BCL9L: variants seen among roughly 807,000 people sequenced by gnomAD.
BCL9L encodes the protein BCL9 like, also known as B-cell CLL/lymphoma 9-like protein.
Under a neutral mutation model 99.4 loss-of-function variants are expected in BCL9L, and 19 were observed. The ratio of observed to expected loss-of-function variants is 0.19; its 90% CI spans 0.13 to 0.28. The LOEUF is 0.28. Ranked by LOEUF, BCL9L falls within the 10% of genes least tolerant of loss-of-function variation. The probability of loss-of-function intolerance (pLI) is 1.00; values close to 1 mark genes in which losing one functional copy is unlikely to be tolerated. For missense variants in BCL9L, 2,023 were observed against 2,101.6 expected, an observed-to-expected ratio of 0.96 and a Z score of 0.73; for synonymous variants, 900 against 854.8, an observed-to-expected ratio of 1.05 and a Z score of -0.92.
In BCL9L at chr11:118,899,508, C is replaced by A; in HGVS notation, c.3407G>T (p.Gly1136Val). ...CTGGCTGGGCTGGCTGTTGCTGATC[C>A]CTGTAGGGAATAGAAGACAGGGGGT... The part of the protein sequence containing the change: ...PPPPPQGSGP[G>V]ISNSQPSQMH... The change falls in exon 10 of 10, where the codon GGG (glycine) becomes GTG (valine). Residue 1136 changes from glycine to valine, a missense_variant and splice_region_variant. Gly to Val is a moderately radical substitution (Grantham distance 109, BLOSUM62 -3). This residue lies in a region of BCL9L where 902 missense variants were observed against 888.2 expected (regional missense o/e 1.02). Coordinates refer to ENST00000683865, the MANE Select transcript of BCL9L (RefSeq NM_001378213.1). 3.7e-6 allele frequency: 6 copies of A among 1,607,888 alleles called. No individual in the cohort carries two copies. Among genetic ancestry groups the A allele is most frequent in the Non-Finnish European group, 5.1e-6 (6 of 1,178,462 alleles).
chr11:118,907,248 AAGG>A (rs1215119972), intron 5 of BCL9L, among the ~76,000 whole-genome samples: 8 of 152,016 alleles, frequency 5.3e-5, no homozygotes, highest in Non-Finnish European at 7.4e-5. Flanking sequence ...CGTGACCAAG[AAGG>A]AGGCCACTCC....
rs755451998 is a variant in BCL9L, at chr11:118,898,626, T to C, written c.4289A>G (p.Gln1430Arg). 6.8e-6 allele frequency: 11 copies of C among 1,612,548 alleles called. No homozygotes were observed. Among genetic ancestry groups the C allele is most frequent in the South Asian group, 2.2e-5 (2 of 90,992 alleles). ...VMSPPQGLMT[Q>R]QNFMLMKQRG... ...CTGCTTCATCAGCATGAAATTCTGC[T>C]GGGTCATGAGGCCTTGTGGAGGGGA... is the stretch of plus-strand genomic sequence containing the variant. The change falls in exon 10 of 10, where the codon CAG becomes CGG. Residue 1430 changes from glutamine (Q) to arginine (R), a missense_variant. Physicochemically the swap from Gln to Arg is conservative, Grantham distance 43 (BLOSUM62 1). Transcript: ENST00000683865.
intron 5 of BCL9L, among the ~76,000 whole-genome samples, chr11:118,906,287 G>A (rs1258280223): frequency 6.6e-6 from 1 of 152,192 alleles, no homozygotes; most frequent in East Asian, 1.9e-4. Context: ...GGGGGGAGGT[G>A]TCTGGTCTGG....
At position 118,914,882 on chromosome 11, in the gene BCL9L, A is replaced by T. The variant is rs1054616916; in HGVS notation, c.-77+3944T>A. ...GCCGGGCGCGGTGGCACACGCCTGT[A>T]ATCCCAGCACTTTAGGAGGTCAAGG... On this transcript the variant is annotated intron_variant, in intron 2 of 9. Coordinates refer to ENST00000683865, the MANE Select transcript of BCL9L (RefSeq NM_001378213.1). The surrounding 1 kb of genome is among the most constrained non-coding windows in gnomAD (Gnocchi z 4.4). Among the ~76,000 whole-genome samples, 21 of 152,306 alleles carry T rather than the reference A, an allele frequency of 1.4e-4. No individual in the cohort carries two copies. In the East Asian group the frequency reaches 3.1e-3, roughly 22 times the overall value.
intron 1 of BCL9L, among the ~76,000 whole-genome samples, chr11:118,919,120 C>T (rs1941070509): frequency 2.0e-5 from 2 of 97,704 alleles, no homozygotes; most frequent in African/African-American, 4.2e-5. Flanking sequence ...CCCCCCCCGA[C>T]CCCCCAACCC....
chr11:118,908,764 G>T, intron 3 of BCL9L, 109 bp from the exon 4 acceptor site: 4 of 862,984 alleles, frequency 4.6e-6, no homozygotes, highest in Non-Finnish European at 7.0e-6. Flanking sequence ...AGGGTGGGGG[G>T]AAGGGGTGGT....
At position 118,914,574 on chromosome 11, in the gene BCL9L, G is replaced by A. The variant is rs922807656; in HGVS notation, c.-77+4252C>T. Among the ~76,000 whole-genome samples the A allele has an allele frequency of 2.6e-5, 4 of 151,504 alleles. No homozygotes were observed. The highest frequency in any genetic ancestry group is 2.0e-4 in the East Asian group (1 of 5,116). On this transcript the variant is annotated intron_variant, in intron 2 of 9. Transcript: ENST00000683865. The surrounding 1 kb of genome is among the most constrained non-coding windows in gnomAD (Gnocchi z 4.4). ...GATGCAGGGGCACGTGGGCCAGGCCGGGAGGGGTGGGGGTGATGAGACAGG... is the reference window on the plus strand; with the variant it reads ...GATGCAGGGGCACGTGGGCCAGGCCAGGAGGGGTGGGGGTGATGAGACAGG...
chr11:118,923,286 G>A (rs567719360), intron 1 of BCL9L, among the ~76,000 whole-genome samples: 4 of 152,266 alleles, frequency 2.6e-5, no homozygotes, highest in East Asian at 1.9e-4. Flanking sequence ...TTGCTGAGCC[G>A]ACACTGCCAC....
intron 2 of BCL9L, among the ~76,000 whole-genome samples, chr11:118,916,889 C>T (rs565559052): frequency 7.2e-5 from 11 of 152,348 alleles, no homozygotes; most frequent in African/African-American, 2.2e-4. Context: ...AGGAGGCGGC[C>T]ATTTAAGCCA....
chr11:118,900,764 G>C lies in BCL9L; in HGVS notation c.2979C>G (p.Ser993Arg), dbSNP rs1940188040. ...CCGCCATGGAAGGAGACTTGAGCCT[G>C]CTGGGCGAGCCAGTGGGTGAACGGA... is the stretch of plus-strand genomic sequence containing the variant. ...LSVRSPTGSP[S>R]RLKSPSMAVP... The change falls in exon 8 of 10, where the codon AGC becomes AGG. Residue 993 changes from serine to arginine, a missense_variant. This residue lies in a region of BCL9L where 902 missense variants were observed against 888.2 expected (regional missense o/e 1.02). Coordinates refer to ENST00000683865, the MANE Select transcript of BCL9L (RefSeq NM_001378213.1). This position sits in a 1 kb window ranked among gnomAD's most constrained non-coding sequence, Gnocchi z 5.3. 1.5e-5 allele frequency: 24 copies of C among 1,613,750 alleles called. No homozygotes were observed. The highest frequency in any genetic ancestry group is 2.0e-5 in the Non-Finnish European group (24 of 1,179,898).
chr11:118,902,750 A>AGGC lies in BCL9L; in HGVS notation c.992_993insGCC (p.Ser331delinsArgPro). 1 of 1,593,292 alleles carries AGGC rather than the reference A, an allele frequency of 6.3e-7. No homozygotes were observed. Among genetic ancestry groups the AGGC allele is most frequent in the South Asian group, 1.1e-5 (1 of 90,444 alleles). Reference sequence around the variant, plus strand: ...CCACCGAGTTGGGGGCCAGGTCCTGACTGCTGTCCTCAGGAGGCCCCTCTG... The same window carrying AGGC: ...CCACCGAGTTGGGGGCCAGGTCCTGAGGCCTGCTGTCCTCAGGAGGCCCCTCTG... On this transcript the variant is annotated protein_altering_variant, in exon 8 of 10. Transcript: ENST00000683865. The surrounding 1 kb of genome is among the most constrained non-coding windows in gnomAD (Gnocchi z 7.8).
intron 2 of BCL9L, among the ~76,000 whole-genome samples, chr11:118,918,612 G>A (rs904130223): frequency 1.3e-5 from 2 of 152,054 alleles, no homozygotes; most frequent in East Asian, 1.9e-4. Flanking sequence ...ACTGGGTCTA[G>A]GGTTCTGGTC....
In BCL9L at chr11:118,902,300, G is replaced by T. The variant is rs543132295; in HGVS notation, c.1443C>A (p.Gly481=). The T allele has an allele frequency of 6.4e-7, 1 of 1,568,662 alleles. No individual in the cohort carries two copies. Among genetic ancestry groups the T allele is most frequent in the Non-Finnish European group, 8.6e-7 (1 of 1,156,856 alleles). The change falls in exon 8 of 10, where the codon GGC becomes GGA. Residue 481 remains glycine (G), a synonymous_variant. Coordinates refer to ENST00000683865, the MANE Select transcript of BCL9L (RefSeq NM_001378213.1). The surrounding 1 kb of genome is among the most constrained non-coding windows in gnomAD (Gnocchi z 7.8). ...CAGGCACTTCATGCTCCAGCGGGGG[G>T]CCCCCTAGGCTCTGTGTCTGTGAAA... is the stretch of plus-strand genomic sequence containing the variant. ...SMISQTQSLG[G]PPLEHEVPGH...
intron 3 of BCL9L, among the ~76,000 whole-genome samples, chr11:118,909,610 G>A (rs1940694173): frequency 6.6e-6 from 1 of 152,224 alleles, no homozygotes; most frequent in Admixed American, 6.5e-5. Flanking sequence ...ACAGTAGGGT[G>A]GGAGGGGGTC....
intron 1 of BCL9L, among the ~76,000 whole-genome samples, chr11:118,919,828 C>T (rs1022829500): frequency 7.2e-5 from 11 of 152,200 alleles, no homozygotes; most frequent in African/African-American, 2.7e-4. Context: ...CACTGCCCTG[C>T]CCTGCCGCCA....
intron 2 of BCL9L, among the ~76,000 whole-genome samples, chr11:118,912,170 C>T (rs993367295): frequency 6.6e-6 from 1 of 152,208 alleles, no homozygotes; most frequent in African/African-American, 2.4e-5. Flanking sequence ...TCACAGTCTC[C>T]GAAGACACCT....
intron 1 of BCL9L, among the ~76,000 whole-genome samples, chr11:118,923,119 C>G (rs753045386): frequency 2.6e-5 from 4 of 152,160 alleles, no homozygotes; most frequent in Non-Finnish European, 4.4e-5. Flanking sequence ...TCCCTCCACT[C>G]CTGCCCCGGC....
chr11:118,899,040 G>A lies in BCL9L; in HGVS notation c.3875C>T (p.Ala1292Val), dbSNP rs749377217. 6.2e-7 allele frequency: 1 copy of A among 1,613,336 alleles called. No homozygotes were observed. The highest frequency in any genetic ancestry group is 2.2e-5 in the East Asian group (1 of 44,884). ...CCCAGGGAGCACACCCGGTGGGTAT[G>A]CGTCGCCCATGCGCCCAGCCATGGC... ...GKAMAGRMGD[A>V]YPPGVLPGVA... Residue 1292 changes from alanine (A) to valine (V), a missense_variant, in exon 10 of 10, where the codon GCA (alanine) becomes GTA (valine). Coordinates refer to ENST00000683865, the MANE Select transcript of BCL9L (RefSeq NM_001378213.1).
At chr11:118,916,578 G>A (rs903171549) in intron 2 of BCL9L, among the ~76,000 whole-genome samples, 6 of 152,180 alleles carry the variant, frequency 3.9e-5, no homozygotes, top group Non-Finnish European at 8.8e-5. Flanking sequence ...GCAGCTCAGG[G>A]AAGGACTCTG....
Sources: gnomAD v4.1 joint callset for allele counts (sites outside exome capture counted in the v4.1 genomes callset) on GRCh38, gnomAD v4.1.1 for gene constraint, gnomAD v4.1.1 regional missense constraint, Gnocchi (gnomAD v3.1) non-coding constraint, MANE v1.5 for transcripts, NCBI Gene and HGNC (gene_info 2026-07-23, HGNC 2026-07-21) for gene names.